SMCO4: variants seen among roughly 807,000 people sequenced by gnomAD.
SMCO4 encodes single-pass membrane and coiled-coil domain-containing protein 4.
A neutral mutation model predicts 3.6 loss-of-function variants in SMCO4; 4 were observed. The ratio of observed to expected loss-of-function variants is 1.11; its 90% CI spans 0.54 to 2.53. The LOEUF is 2.53. Among genes scored for constraint, SMCO4 ranks in the 30% most tolerant of loss-of-function variants. SMCO4 has a pLI of 0.02. For missense variants in SMCO4, 70 were observed against 80.8 expected, an observed-to-expected ratio of 0.87 and a Z score of 0.51; for synonymous variants, 36 against 35.3, an observed-to-expected ratio of 1.02 and a Z score of -0.07.
chr11:93,519,558 G>C (rs940168284), intron 1 of SMCO4, among the ~76,000 whole-genome samples: 3 of 152,222 alleles, frequency 2.0e-5, no homozygotes, highest in Non-Finnish European at 4.4e-5. Context: ...TCCATCTTTT[G>C]CAAAAGTAGG....
upstream of SMCO4, among the ~76,000 whole-genome samples, chr11:93,544,321 C>G (rs1241499013): frequency 6.6e-6 from 1 of 152,176 alleles, no homozygotes; most frequent in South Asian, 2.1e-4. Context: ...ATATTGACTA[C>G]CTTTTCACCT....
rs1948563857 is a variant in SMCO4, at chr11:93,479,272, G to A, written c.-80-3C>T. ...CCTCTTGCCAAGGCTGGAACCTCCTGTAGAGAGAACAACTGTGATAGTAGA... is the reference window on the plus strand; with the variant it reads ...CCTCTTGCCAAGGCTGGAACCTCCTATAGAGAGAACAACTGTGATAGTAGA... On this transcript the variant is annotated splice_region_variant and splice_polypyrimidine_tract_variant and intron_variant, in intron 2 of 2. Transcript: ENST00000298966. The A allele has an allele frequency of 6.5e-7, 1 of 1,530,018 alleles. No individual in the cohort carries two copies. Among genetic ancestry groups the A allele is most frequent in the Non-Finnish European group, 8.8e-7 (1 of 1,139,712 alleles). The allele number at this position is 1,530,018 out of a possible 1,614,324, so 94.8% of individuals were successfully genotyped here. A position where few individuals can be genotyped will look rare whatever the true frequency, so the allele number is the denominator to read the frequency against.
intron 1 of SMCO4, among the ~76,000 whole-genome samples, chr11:93,514,719 T>C (rs1183484277): frequency 6.6e-6 from 1 of 152,176 alleles, no homozygotes; most frequent in Non-Finnish European, 1.5e-5. Context: ...GATTTCGGCA[T>C]TCACATTTTC....
chr11:93,531,251 C>G (rs1949158755), intron 1 of SMCO4, among the ~76,000 whole-genome samples: 1 of 152,174 alleles, frequency 6.6e-6, no homozygotes, highest in Admixed American at 6.5e-5. Context: ...TAAGCTTGAG[C>G]TGGGACATTG....
At chr11:93,492,553 C>T (rs906217083) in intron 2 of SMCO4, among the ~76,000 whole-genome samples, 8 of 151,992 alleles carry the variant, frequency 5.3e-5, no homozygotes, top group South Asian at 2.1e-4. Context: ...AGGTGGGAGA[C>T]GTGATTTAAC....
At chr11:93,505,065 G>A (rs569695884) in intron 1 of SMCO4, among the ~76,000 whole-genome samples, 1 of 152,288 alleles carries the variant, frequency 6.6e-6, no homozygotes, top group East Asian at 1.9e-4. Flanking sequence ...GTTGTCTCAC[G>A]CTGTAACAGA....
At chr11:93,496,997 A>C (rs751277368) in intron 2 of SMCO4, among the ~76,000 whole-genome samples, 7 of 152,192 alleles carry the variant, frequency 4.6e-5, no homozygotes, top group Non-Finnish European at 1.0e-4. Context: ...GTATCAGAGG[A>C]AGGTCTCTCA....
Position 93,514,400 on chromosome 11 carries a change from ATATATATATATATATATAT to A in SMCO4, c.-153-15071_-153-15053del, listed in dbSNP as rs1160756296. ...TATATATATATATATATATATATAT[ATATATATATATATATATAT>A]ATAAAATTTGGTCTCTTCCAAAGAT... On this transcript the variant is annotated intron_variant, in intron 1 of 2. Transcript: ENST00000298966. 8.4e-4 allele frequency among the ~76,000 whole-genome samples: 81 copies of A among 95,874 alleles called. 3 individuals are homozygous for A. Among genetic ancestry groups the A allele is most frequent in the Admixed American group, 3.2e-3 (30 of 9,356 alleles). 62.9% of individuals were successfully genotyped at this position (95,874 alleles called of 152,430 possible). A position where few individuals can be genotyped will look rare whatever the true frequency, so the allele number is the denominator to read the frequency against.
At chr11:93,552,226 G>A in the SMCO4 span, among the ~76,000 whole-genome samples, 6 of 139,304 alleles carry the variant, frequency 4.3e-5, no homozygotes, top group Non-Finnish European at 6.0e-5. Context: ...GCACAATCTC[G>A]GCTCACTGCA....
Position 93,478,684 on chromosome 11 carries a change from A to C in SMCO4, c.*326T>G. On this transcript the variant is annotated 3_prime_UTR_variant, in exon 3 of 3. Transcript: ENST00000298966. Reference sequence around the variant, plus strand: ...GTTCCATCCCTCTTCAGGTGGAGCTACTTATCGATTTTTAGGAGAGAAAAA... The same window carrying C: ...GTTCCATCCCTCTTCAGGTGGAGCTCCTTATCGATTTTTAGGAGAGAAAAA... 1 of 290,482 alleles carries C rather than the reference A, an allele frequency of 3.4e-6. No individual in the cohort carries two copies. The highest frequency in any genetic ancestry group is 5.6e-6 in the Non-Finnish European group (1 of 179,836). The allele number at this position is 290,482 out of a possible 1,614,324, so 18.0% of individuals were successfully genotyped here.
chr11:93,479,024 T>C lies in SMCO4; in HGVS notation c.166A>G (p.Thr56Ala), dbSNP rs138064563. Reference protein sequence around the residue: ...VVFVYVATRPTITE With the variant: ...VVFVYVATRPAITE ...GGCTGCGGGGCTCACTCGGTGATGG[T>C]GGGGCGCGTGGCCACGTACACAAAC... is the stretch of plus-strand genomic sequence containing the variant. Residue 56 changes from threonine to alanine, a missense_variant, in exon 3 of 3, where the codon ACC becomes GCC. Transcript: ENST00000298966. 16 of 1,607,560 alleles carry C rather than the reference T, an allele frequency of 1.0e-5. No individual in the cohort carries two copies. In the African/African-American group the frequency reaches 1.6e-4, roughly 16 times the overall value.
At chr11:93,550,440 G>A in the SMCO4 span, among the ~76,000 whole-genome samples, 7 of 152,044 alleles carry the variant, frequency 4.6e-5, no homozygotes, top group African/African-American at 1.2e-4. Flanking sequence ...TAGGAGGACC[G>A]CTTGAGCTCA....
At chr11:93,480,573 C>T (rs1948579946) in intron 2 of SMCO4, among the ~76,000 whole-genome samples, 1 of 152,136 alleles carries the variant, frequency 6.6e-6, no homozygotes, top group African/African-American at 2.4e-5. Context: ...GGCAGATGTC[C>T]ATTACAATAT....
intron 1 of SMCO4, among the ~76,000 whole-genome samples, chr11:93,531,978 C>G (rs2134632250): frequency 6.6e-6 from 1 of 152,282 alleles, no homozygotes; most frequent in Admixed American, 6.5e-5. Flanking sequence ...CTTTCTGGAC[C>G]AAATCAATGT....
At chr11:93,488,156 G>A (rs1948672066) in intron 2 of SMCO4, among the ~76,000 whole-genome samples, 1 of 152,222 alleles carries the variant, frequency 6.6e-6, no homozygotes, top group South Asian at 2.1e-4. Flanking sequence ...CACTGGACCA[G>A]AGACTTGAAG....
At chr11:93,496,538 T>C (rs1217598289) in intron 2 of SMCO4, among the ~76,000 whole-genome samples, 1 of 151,986 alleles carries the variant, frequency 6.6e-6, no homozygotes, top group Non-Finnish European at 1.5e-5. Flanking sequence ...GGTGTAAGAA[T>C]GCTATAGAAC....
chr11:93,553,945 C>A, the SMCO4 span, among the ~76,000 whole-genome samples: 1 of 152,208 alleles, frequency 6.6e-6, no homozygotes, highest in Non-Finnish European at 1.5e-5. Context: ...CCCAGCATTG[C>A]AACTTCTGAA....
chr11:93,481,341 C>T, intron 2 of SMCO4: 1 of 708,754 alleles, frequency 1.4e-6, no homozygotes, highest in South Asian at 6.3e-5. Flanking sequence ...TACAGGTGGG[C>T]TGAGACATCT....
In SMCO4 at chr11:93,480,279, G is replaced by A. The variant is rs1948576446; in HGVS notation, c.-80-1010C>T. On this transcript the variant is annotated intron_variant, in intron 2 of 2. Transcript: ENST00000298966. ...GGAGCCCAACTCACACTCCCAGTGT[G>A]AGGATGCCAGAGCCTGCATCACCAC... Among the ~76,000 whole-genome samples the A allele has an allele frequency of 2.0e-5, 3 of 152,194 alleles. No individual in the cohort carries two copies. The South Asian group carries it at 6.2e-4, about 31-fold the overall frequency.
Sources: gnomAD v4.1 joint callset for allele counts (sites outside exome capture counted in the v4.1 genomes callset) on GRCh38, gnomAD v4.1.1 for gene constraint, MANE v1.5 for transcripts, NCBI Gene and HGNC (gene_info 2026-07-23, HGNC 2026-07-21) for gene names.